MDGA2: variants seen among roughly 807,000 people sequenced by gnomAD.
MDGA2 encodes the protein MAM domain containing glycosylphosphatidylinositol anchor 2.
MDGA2 carries 40 observed loss-of-function variants against 117.8 expected under a neutral mutation model. That is an observed-to-expected ratio of 0.34 (90% CI 0.26 to 0.44). The LOEUF is 0.44. MDGA2 is among the 20% of genes least tolerant of loss of function. MDGA2 has a pLI of 1.00. For synonymous variants in MDGA2, 452 were observed against 439.0 expected, an observed-to-expected ratio of 1.03 and a Z score of -0.37; for missense variants, 1,123 against 1,250.6, an observed-to-expected ratio of 0.90 and a Z score of 1.54.
chr14:47,604,458 A>C (rs1436454623), intron 1 of MDGA2, among the ~76,000 whole-genome samples: 2 of 150,712 alleles, frequency 1.3e-5, no homozygotes, highest in African/African-American at 2.4e-5. Context: ...CTGGAACTAT[A>C]GGCGTGTTCC....
At chr14:47,093,350 C>A (rs909020397) in intron 6 of MDGA2, among the ~76,000 whole-genome samples, 1 of 152,028 alleles carries the variant, frequency 6.6e-6, no homozygotes, top group African/African-American at 2.4e-5. Flanking sequence ...GTATTTTGAA[C>A]CATACATGTT....
rs867163423 is a variant in MDGA2, at chr14:47,571,125, C to T, written c.280+103392G>A. ...TAAACAGGCACTTCTCAAAAGAAGACATTTATGCAGCCAACAAACATGAAA... is the reference window on the plus strand; with the variant it reads ...TAAACAGGCACTTCTCAAAAGAAGATATTTATGCAGCCAACAAACATGAAA... On this transcript the variant is annotated intron_variant, in intron 1 of 16. Coordinates refer to ENST00000399232, the MANE Select transcript of MDGA2 (RefSeq NM_001113498.3). Among the ~76,000 whole-genome samples the T allele has an allele frequency of 3.3e-5, 5 of 152,252 alleles. No homozygotes were observed. In the South Asian group the frequency reaches 1.0e-3, roughly 32 times the overall value.
rs191184633 is a variant in MDGA2 at position 47,421,837 on chromosome 14, A to T, written c.281-120287T>A. The stretch of plus-strand genomic sequence containing the variant: ...AATGTTCTTAATTTTTAAAAAATAC[A>T]AGAATGCATTCTTTTTGAGTTTGTT... On this transcript the variant is annotated intron_variant, in intron 1 of 16. Coordinates refer to ENST00000399232, the MANE Select transcript of MDGA2 (RefSeq NM_001113498.3). Among the ~76,000 whole-genome samples, 907 of 152,302 alleles carry T rather than the reference A, an allele frequency of 6.0e-3. 7 individuals are homozygous for T. The highest frequency in any genetic ancestry group is 0.024 in the Middle Eastern group (7 of 294).
At chr14:47,072,106 G>GC (rs1890309165) in intron 6 of MDGA2, among the ~76,000 whole-genome samples, 1 of 137,094 alleles carries the variant, frequency 7.3e-6, no homozygotes, top group Non-Finnish European at 1.6e-5. Flanking sequence ...TTGTTTGGGG[G>GC]GGGGGGGGTT....
rs17118711 is a variant in MDGA2, at chr14:47,449,145, A to G, written c.281-147595T>C. 1.3e-3 allele frequency among the ~76,000 whole-genome samples: 196 copies of G among 152,306 alleles called. 3 individuals carry two copies. Among genetic ancestry groups the G allele is most frequent in the East Asian group, 0.01 (52 of 5,186 alleles). ...ATTTTGTCTTTGCCTGTCCTGCAAC[A>G]GTAGTCCAGCACCATTCCTAAAAAT... On this transcript the variant is annotated intron_variant, in intron 1 of 16. Coordinates refer to ENST00000399232, the MANE Select transcript of MDGA2 (RefSeq NM_001113498.3).
At chr14:47,549,011 T>C (rs1895522319) in intron 1 of MDGA2, among the ~76,000 whole-genome samples, 1 of 152,072 alleles carries the variant, frequency 6.6e-6, no homozygotes, top group African/African-American at 2.4e-5. Context: ...TAAAAAAACA[T>C]AGAACTTGTG....
intron 3 of MDGA2, chr14:47,200,650 T>G (rs1885468230): frequency 8.0e-7 from 1 of 1,247,120 alleles, no homozygotes; most frequent in East Asian, 2.4e-5. Context: ...TCTCGGCCTG[T>G]TTCCGTAGCC....
rs77397826 is a variant in MDGA2, at chr14:46,930,589, T to G, written c.2090-10429A>C. Among the ~76,000 whole-genome samples, 598 of 152,276 alleles carry G rather than the reference T, an allele frequency of 3.9e-3. 9 individuals are homozygous for G. The highest frequency in any genetic ancestry group is 0.019 in the East Asian group (98 of 5,178). ...GACCGGTTTAATGACAAATAATGAC[T>G]AAGAAGATTCTATTTATCACGTGTA... On this transcript the variant is annotated intron_variant, in intron 9 of 16. Transcript: ENST00000399232.
intron 8 of MDGA2, among the ~76,000 whole-genome samples, chr14:46,964,918 A>ATTTTTTTTTTTTTTTT (rs1566549134): frequency 4.2e-5 from 4 of 95,414 alleles, no homozygotes; most frequent in Admixed American, 1.0e-4. Flanking sequence ...ATATATATTT[A>ATTTTTTTTTTTTTTTT]CTTTTTTTTT....
At chr14:47,106,724 C>T (rs1190009595) in intron 5 of MDGA2, among the ~76,000 whole-genome samples, 2 of 151,614 alleles carry the variant, frequency 1.3e-5, no homozygotes, top group Non-Finnish European at 2.9e-5. Context: ...GTAACTCTCA[C>T]AGTGGAAGGT....
intron 1 of MDGA2, among the ~76,000 whole-genome samples, chr14:47,590,386 T>A (rs1467766813): frequency 6.6e-6 from 1 of 151,786 alleles, no homozygotes; most frequent in African/African-American, 2.4e-5. Flanking sequence ...TCCCTAAGGA[T>A]GAGTTGGAAT....
intron 8 of MDGA2, among the ~76,000 whole-genome samples, chr14:46,996,135 A>G (rs1180051129): frequency 2.0e-5 from 3 of 152,152 alleles, no homozygotes; most frequent in South Asian, 2.1e-4. Context: ...CTATTTTTAT[A>G]GGTTTTAGGA....
chr14:47,521,151 A>G (rs527808805), intron 1 of MDGA2, among the ~76,000 whole-genome samples: 32 of 152,308 alleles, frequency 2.1e-4, no homozygotes, highest in African/African-American at 6.3e-4. Context: ...TTAAGGGAAG[A>G]CTTGCTTCCT....
intron 3 of MDGA2, among the ~76,000 whole-genome samples, chr14:47,200,219 C>T (rs183874437): frequency 6.6e-6 from 1 of 151,798 alleles, no homozygotes; most frequent in Non-Finnish European, 1.5e-5. Context: ...AGTGGAGAAG[C>T]CTTAGCACAA....
intron 1 of MDGA2, among the ~76,000 whole-genome samples, chr14:47,611,095 AC>A (rs1473609977): frequency 2.0e-5 from 3 of 152,090 alleles, no homozygotes; most frequent in Non-Finnish European, 4.4e-5. Flanking sequence ...AGCAAAAAAA[AC>A]ATAAAGTGGA....
intron 1 of MDGA2, among the ~76,000 whole-genome samples, chr14:47,593,549 G>T (rs145591141): frequency 6.8e-4 from 103 of 152,268 alleles, no homozygotes; most frequent in African/African-American, 2.2e-3. Flanking sequence ...TATGCAGCCA[G>T]AAAAGGAACG....
intron 3 of MDGA2, among the ~76,000 whole-genome samples, chr14:47,166,285 C>T (rs1441805456): frequency 6.6e-6 from 1 of 152,102 alleles, no homozygotes; most frequent in Non-Finnish European, 1.5e-5. Flanking sequence ...CTGCCTGCCT[C>T]GGCCTCCCAA....
chr14:46,865,243 A>G (rs1881701992), intron 14 of MDGA2, among the ~76,000 whole-genome samples: 1 of 152,088 alleles, frequency 6.6e-6, no homozygotes, highest in Non-Finnish European at 1.5e-5. Flanking sequence ...ATGCCAGCAT[A>G]TCTGTTAGAA....
intron 1 of MDGA2, among the ~76,000 whole-genome samples, chr14:47,641,561 G>C (rs553558888): frequency 6.6e-6 from 1 of 152,048 alleles, no homozygotes; most frequent in African/African-American, 2.4e-5. Context: ...TTTGAATAGG[G>C]AGTTGAATGG....
Sources: gnomAD v4.1 joint callset for allele counts (sites outside exome capture counted in the v4.1 genomes callset) on GRCh38, gnomAD v4.1.1 for gene constraint, MANE v1.5 for transcripts, NCBI Gene and HGNC (gene_info 2026-07-23, HGNC 2026-07-21) for gene names.